Variants in ZWILCH observed in about 807,000 individuals in gnomAD.
ZWILCH encodes protein zwilch homolog.
ZWILCH carries 74 observed loss-of-function variants against 79.9 expected under a neutral mutation model. That is an observed-to-expected ratio of 0.93 (90% CI 0.77 to 1.12). ZWILCH has a LOEUF of 1.12. Ranked by LOEUF, ZWILCH falls within the 50% of genes most tolerant of loss-of-function variation. The pLI is 0.00. For missense variants in ZWILCH, 694 were observed against 687.5 expected (o/e 1.01, Z -0.11); for synonymous variants, 241 against 228.2 (o/e 1.06, Z -0.51).
chr15:66,533,351 T>C (rs12595176), intron 14 of ZWILCH, among the ~76,000 whole-genome samples: 133,432 of 152,216 alleles, frequency 0.88, 58,584 homozygotes, highest in East Asian at 0.93. Context: ...TTCTCTTTAT[T>C]CATTTATATT....
chr15:66,526,800 G>A (rs531658114), intron 8 of ZWILCH, among the ~76,000 whole-genome samples: 1 of 152,240 alleles, frequency 6.6e-6, no homozygotes, highest in East Asian at 1.9e-4. Flanking sequence ...GATATTGTAT[G>A]TATGTGCATA....
intron 16 of ZWILCH, among the ~76,000 whole-genome samples, chr15:66,539,236 C>T (rs760809913): frequency 1.3e-5 from 2 of 151,924 alleles, no homozygotes; most frequent in Non-Finnish European, 2.9e-5. Context: ...AACCCTGTCT[C>T]TACAAAAAAT....
intron 10 of ZWILCH, among the ~76,000 whole-genome samples, chr15:66,528,335 C>T (rs1381599467): frequency 6.6e-6 from 1 of 152,156 alleles, no homozygotes; most frequent in Admixed American, 6.5e-5. Flanking sequence ...AACTCGTGGG[C>T]TCAAGCAATC....
intron 17 of ZWILCH, among the ~76,000 whole-genome samples, chr15:66,544,431 A>C (rs1413232205): frequency 2.6e-5 from 4 of 151,818 alleles, no homozygotes; most frequent in Non-Finnish European, 5.9e-5. Flanking sequence ...TTCCAGGCTC[A>C]AGCAATCCTC....
At chr15:66,530,124 C>T (rs532992487) in intron 12 of ZWILCH, among the ~76,000 whole-genome samples, 2 of 152,200 alleles carry the variant, frequency 1.3e-5, no homozygotes, top group African/African-American at 4.8e-5. Context: ...ATTTCTCTTG[C>T]TAATGGAATG....
chr15:66,546,379 A>G (rs1403161303), intron 17 of ZWILCH, among the ~76,000 whole-genome samples: 1 of 152,226 alleles, frequency 6.6e-6, no homozygotes, highest in Non-Finnish European at 1.5e-5. Flanking sequence ...CTTCATTTTT[A>G]GTTTATTTAA....
In ZWILCH at chr15:66,550,013, A is replaced by G; in HGVS notation, c.*1689A>G. 1 of 1,485,066 alleles carries G rather than the reference A, an allele frequency of 6.7e-7. No homozygotes were observed. The allele number at this position is 1,485,066 out of a possible 1,614,324, so 92.0% of individuals were successfully genotyped here. A position where few individuals can be genotyped will look rare whatever the true frequency, so the allele number is the denominator to read the frequency against. On this transcript the variant is annotated 3_prime_UTR_variant, in exon 19 of 19. Coordinates refer to ENST00000307897, the MANE Select transcript of ZWILCH (RefSeq NM_017975.5). Reference sequence around the variant, plus strand: ...TATAATTATTTAGTTTAATTATTAAAGGAAAACATTGAAATATACTGACTC... The same window carrying G: ...TATAATTATTTAGTTTAATTATTAAGGGAAAACATTGAAATATACTGACTC...
chr15:66,540,226 A>T lies in ZWILCH; in HGVS notation c.1687+16A>T. 1.3e-6 allele frequency: 2 copies of T among 1,567,802 alleles called. No individual in the cohort carries two copies. On this transcript the variant is annotated intron_variant, in intron 17 of 18. Transcript: ENST00000307897. ...CACAAACCTGGTAAAGATGGTTTAT[A>T]ATCTGTTCAGATAAATAATTCCAAC...
intron 16 of ZWILCH, 63 bp from the exon 17 acceptor site, chr15:66,540,035 G>C (rs1200450483): frequency 8.7e-7 from 1 of 1,148,342 alleles, no homozygotes; most frequent in African/African-American, 1.5e-5. Context: ...AATGGCTGTA[G>C]AGGGAAGGAA....
Position 66,523,658 on chromosome 15 carries a change from G to A in ZWILCH, c.748-19G>A. 2 of 1,593,718 alleles carry A rather than the reference G, an allele frequency of 1.3e-6. No homozygotes were observed. Among genetic ancestry groups the A allele is most frequent in the Non-Finnish European group, 1.7e-6 (2 of 1,163,982 alleles). ...TAGGATTAGCACTAGAAAACTGACA[G>A]ACTTTGGAAACTTTTTAGAATATTA... is the stretch of plus-strand genomic sequence containing the variant. On this transcript the variant is annotated intron_variant, in intron 7 of 18. Coordinates refer to ENST00000307897, the MANE Select transcript of ZWILCH (RefSeq NM_017975.5).
At chr15:66,520,870 C>T (rs1485497486) in intron 6 of ZWILCH, among the ~76,000 whole-genome samples, 180 bp from the exon 7 acceptor site, 1 of 152,126 alleles carries the variant, frequency 6.6e-6, no homozygotes, top group Non-Finnish European at 1.5e-5. Context: ...AATTGTCTTA[C>T]TTTTCTATTT....
chr15:66,507,790 C>A (rs114883675), intron 1 of ZWILCH, among the ~76,000 whole-genome samples: 1 of 151,904 alleles, frequency 6.6e-6, no homozygotes, highest in African/African-American at 2.4e-5. Flanking sequence ...AAAATTAACC[C>A]GGCGTGGTGG....
In ZWILCH at chr15:66,536,718, A is replaced by G. The variant is rs139675395; in HGVS notation, c.1479-450A>G. Among the ~76,000 whole-genome samples the G allele has an allele frequency of 4.5e-3, 692 of 152,154 alleles. 5 individuals carry two copies. Among genetic ancestry groups the G allele is most frequent in the African/African-American group, 0.015 (631 of 41,504 alleles). ...GGAAAGTTTGAAATTGTTATTGTTTATAGAATCTCCAAGTTTTGTTTTTTT... is the reference window on the plus strand; with the variant it reads ...GGAAAGTTTGAAATTGTTATTGTTTGTAGAATCTCCAAGTTTTGTTTTTTT... On this transcript the variant is annotated intron_variant, in intron 15 of 18. Transcript: ENST00000307897.
intron 14 of ZWILCH, among the ~76,000 whole-genome samples, chr15:66,535,581 C>G (rs898659590): frequency 2.0e-5 from 3 of 150,956 alleles, no homozygotes; most frequent in Non-Finnish European, 1.5e-5. Flanking sequence ...GAGGCTAAGG[C>G]GGGAGAATCA....
At chr15:66,517,455 T>TATATATATATATATATATATATATAGAG (rs1180456312) in intron 4 of ZWILCH, among the ~76,000 whole-genome samples, 8 of 115,208 alleles carry the variant, frequency 6.9e-5, no homozygotes, top group Non-Finnish European at 7.5e-5. Context: ...TATATATATA[T>TATATATATATATATATATATATATAGAG]AGTAATGTAC....
intron 2 of ZWILCH, among the ~76,000 whole-genome samples, chr15:66,512,125 T>C (rs532774573): frequency 2.6e-5 from 4 of 152,346 alleles, no homozygotes; most frequent in East Asian, 1.9e-4. Flanking sequence ...GAATTAGTTA[T>C]GTGACAAAAG....
chr15:66,522,145 C>G (rs1306436322), intron 7 of ZWILCH, among the ~76,000 whole-genome samples: 1 of 151,808 alleles, frequency 6.6e-6, no homozygotes, highest in African/African-American at 2.4e-5. Flanking sequence ...TTTTAGTGAG[C>G]CAAGATTGTG....
At chr15:66,538,161 A>G (rs1441194182) in intron 16 of ZWILCH, among the ~76,000 whole-genome samples, 2 of 152,120 alleles carry the variant, frequency 1.3e-5, no homozygotes, top group Admixed American at 1.3e-4. Flanking sequence ...AGCATATGAT[A>G]TACTTGAAAT....
At chr15:66,537,307 T>C in intron 16 of ZWILCH, 44 bp downstream of exon 16, 2 of 1,442,914 alleles carry the variant, frequency 1.4e-6, no homozygotes, top group African/African-American at 1.4e-5. Flanking sequence ...CCTGTAATCC[T>C]AGCACTATGG....
Sources: gnomAD v4.1 joint callset for allele counts (sites outside exome capture counted in the v4.1 genomes callset) on GRCh38, gnomAD v4.1.1 for gene constraint, MANE v1.5 for transcripts, NCBI Gene and HGNC (gene_info 2026-07-23, HGNC 2026-07-21) for gene names.